The following DMXL2 variants were observed in gnomAD, a reference collection of about 807,000 sequenced individuals.
The protein encoded by DMXL2 is Dmx like 2, also known as dmX-like protein 2.
In DMXL2, 103 loss-of-function variants were observed where a neutral mutation model predicts 331.1. The ratio of observed to expected loss-of-function variants is 0.31; its 90% CI spans 0.27 to 0.37. The LOEUF (loss-of-function observed/expected upper bound fraction) is 0.37. DMXL2 is among the 10% of genes least tolerant of loss of function. The pLI is 1.00. For missense variants in DMXL2, 3,171 were observed against 3,642.9 expected (o/e 0.87, Z 3.33); for synonymous variants, 1,281 against 1,252.1 (o/e 1.02, Z -0.49).
chr15:51,509,709 G>A (rs1055254846), intron 15 of DMXL2, among the ~76,000 whole-genome samples: 1 of 152,126 alleles, frequency 6.6e-6, no homozygotes, highest in Non-Finnish European at 1.5e-5. Flanking sequence ...CATTTTATGA[G>A]GCCAGCATCA....
Position 51,544,950 on chromosome 15 carries a change from G to A in DMXL2, c.930+633C>T, listed in dbSNP as rs537442009. On this transcript the variant is annotated intron_variant, in intron 8 of 43. Transcript: ENST00000560891. ...TAAATTTCTGACAATTCAAAATAAT[G>A]CATATATCTCATTGTATTACCTAAT... Among the ~76,000 whole-genome samples the A allele has an allele frequency of 2.6e-5, 4 of 152,028 alleles. No homozygotes were observed. The East Asian group carries it at 7.7e-4, about 29-fold the overall frequency.
intron 1 of DMXL2, among the ~76,000 whole-genome samples, chr15:51,579,267 T>A (rs1343749170): frequency 2.0e-5 from 3 of 152,160 alleles, no homozygotes; most frequent in Non-Finnish European, 2.9e-5. Context: ...ATAATAACCA[T>A]GATTACTGCT....
At chr15:51,597,189 A>G (rs954571605) in intron 1 of DMXL2, among the ~76,000 whole-genome samples, 3 of 152,204 alleles carry the variant, frequency 2.0e-5, no homozygotes, top group African/African-American at 7.2e-5. Context: ...TCCACAAAGA[A>G]TAAATTAAAG....
chr15:51,509,724 G>C (rs895129038), intron 15 of DMXL2, among the ~76,000 whole-genome samples: 6 of 152,172 alleles, frequency 3.9e-5, no homozygotes, highest in Non-Finnish European at 8.8e-5. Flanking sequence ...GCATCATCCT[G>C]ATACCAAAAC....
chr15:51,502,342 G>GTGTGTGTGTGTGTGTGTGTGTGTGT (rs767248212), intron 17 of DMXL2, among the ~76,000 whole-genome samples: 3 of 150,416 alleles, frequency 2.0e-5, no homozygotes, highest in African/African-American at 7.4e-5. Context: ...GTGTGTGTAT[G>GTGTGTGTGTGTGTGTGTGTGTGTGT]GAGTCTCACT....
At chr15:51,592,151 G>C (rs2052406711) in intron 1 of DMXL2, among the ~76,000 whole-genome samples, 1 of 151,792 alleles carries the variant, frequency 6.6e-6, no homozygotes, top group South Asian at 2.1e-4. Context: ...CCATGGCAAA[G>C]AAGTTAAAAA....
In DMXL2 at chr15:51,501,813, G is replaced by A. The variant is rs547790857; in HGVS notation, c.2992+993C>T. Among the ~76,000 whole-genome samples, 57 of 150,022 alleles carry A rather than the reference G, an allele frequency of 3.8e-4. No individual in the cohort carries two copies. The South Asian group carries it at 0.011, about 28-fold the overall frequency. On this transcript the variant is annotated intron_variant, in intron 17 of 43. Coordinates refer to ENST00000560891, the MANE Select transcript of DMXL2 (RefSeq NM_001378457.1). ...TGGGCGCCTGTAGTCCCAGCTACTC[G>A]GGAGGCTAAGGCAGGAGAATGGCAT...
chr15:51,480,941 T>C lies in DMXL2; in HGVS notation c.6165A>G (p.Leu2055=), dbSNP rs1267758901. Residue 2055 remains leucine, a synonymous_variant, in exon 24 of 44, where the codon TTA becomes TTG. Coordinates refer to ENST00000560891, the MANE Select transcript of DMXL2 (RefSeq NM_001378457.1). ...RACLKILMTE[L]RTLATGYEVD... Reference sequence around the variant, plus strand: ...CTTCATAACCTGTAGCCAATGTTCTTAATTCAGTCATAAGGATCTTTAAAC... The same window carrying C: ...CTTCATAACCTGTAGCCAATGTTCTCAATTCAGTCATAAGGATCTTTAAAC... The C allele has an allele frequency of 2.5e-6, 4 of 1,613,826 alleles. No homozygotes were observed. The highest frequency in any genetic ancestry group is 1.3e-5 in the African/African-American group (1 of 75,066).
intron 20 of DMXL2, 129 bp from the exon 21 acceptor site, chr15:51,488,774 T>C (rs77963220): frequency 2.5e-5 from 17 of 686,952 alleles, no homozygotes; most frequent in Non-Finnish European, 3.6e-5. Flanking sequence ...TTGGTTCTGT[T>C]TCACAATCTC....
chr15:51,596,232 C>A (rs2052791559), intron 1 of DMXL2, among the ~76,000 whole-genome samples: 1 of 152,278 alleles, frequency 6.6e-6, no homozygotes, highest in South Asian at 2.1e-4. Flanking sequence ...AAGAAAAAAA[C>A]AAACAGCCCC....
At chr15:51,480,228 A>T in intron 24 of DMXL2, 89 bp from the exon 25 acceptor site, 1 of 1,283,382 alleles carries the variant, frequency 7.8e-7, no homozygotes, top group Non-Finnish European at 1.1e-6. Flanking sequence ...AACATTGTGT[A>T]AAGGGAATAT....
At chr15:51,476,829 A>G in intron 26 of DMXL2, 110 bp from the exon 27 acceptor site, 2 of 766,232 alleles carry the variant, frequency 2.6e-6, no homozygotes, top group Non-Finnish European at 3.9e-6. Flanking sequence ...AATTCTTAAA[A>G]TGCATTCACT....
chr15:51,587,931 A>AT (rs1174025629), intron 1 of DMXL2, among the ~76,000 whole-genome samples: 4 of 151,972 alleles, frequency 2.6e-5, no homozygotes, highest in African/African-American at 9.7e-5. Context: ...GATGATGAGC[A>AT]TTTTTTCAGA....
In DMXL2 at chr15:51,481,189, G is replaced by T; in HGVS notation, c.5917C>A (p.Pro1973Thr). 1 of 1,613,910 alleles carries T rather than the reference G, an allele frequency of 6.2e-7. No individual in the cohort carries two copies. Among genetic ancestry groups the T allele is most frequent in the Non-Finnish European group, 8.5e-7 (1 of 1,179,888 alleles). Residue 1973 changes from proline (P) to threonine (T), a missense_variant, in exon 24 of 44, where the codon CCT (proline) becomes ACT (threonine). Pro to Thr is a conservative substitution (Grantham distance 38). Transcript: ENST00000560891. ...SQPIVKVDEE[P>T]LNLDWGEDHD... ...TCTTCACCCCAATCAAGATTAAGAG[G>T]TTCCTCATCAACTTTTACTATTGGC... is the stretch of plus-strand genomic sequence containing the variant.
At chr15:51,460,153 A>T in intron 33 of DMXL2, 1 of 983,272 alleles carries the variant, frequency 1.0e-6, no homozygotes, top group Non-Finnish European at 1.2e-6. Context: ...AAAATCAGGC[A>T]CGGAAAAAGA....
At chr15:51,505,434 T>G (rs1387694790) in intron 16 of DMXL2, among the ~76,000 whole-genome samples, 1 of 152,212 alleles carries the variant, frequency 6.6e-6, no homozygotes, top group East Asian at 1.9e-4. Flanking sequence ...CAAGGACCTG[T>G]TACTACCCCT....
At chr15:51,590,594 C>A (rs1413156931) in intron 1 of DMXL2, among the ~76,000 whole-genome samples, 2 of 151,738 alleles carry the variant, frequency 1.3e-5, no homozygotes, top group African/African-American at 4.8e-5. Context: ...GATGGGGTCT[C>A]AATATGTTAG....
intron 13 of DMXL2, 32 bp from the exon 14 acceptor site, chr15:51,517,199 C>A (rs1295649526): frequency 1.3e-6 from 2 of 1,496,610 alleles, no homozygotes; most frequent in Non-Finnish European, 1.9e-6. Flanking sequence ...TGTTAATGGC[C>A]AACAAATTAT....
chr15:51,613,098 T>C (rs1421241741), intron 1 of DMXL2, among the ~76,000 whole-genome samples: 1 of 152,234 alleles, frequency 6.6e-6, no homozygotes, highest in Non-Finnish European at 1.5e-5. Context: ...CTGTTCTTTT[T>C]TCAAGGTGCC....
Sources: allele counts gnomAD v4.1 joint callset (sites outside exome capture counted in the v4.1 genomes callset), GRCh38; gene constraint gnomAD v4.1.1; transcripts MANE v1.5; gene names NCBI Gene and HGNC (gene_info 2026-07-23, HGNC 2026-07-21).